SLC9A9: variants seen among roughly 807,000 people sequenced by gnomAD.
SLC9A9 encodes the protein solute carrier family 9 member A9.
A neutral mutation model predicts 77.8 loss-of-function variants in SLC9A9; 62 were observed. The ratio of observed to expected loss-of-function variants is 0.80; its 90% CI spans 0.65 to 0.98. SLC9A9 has a LOEUF of 0.98. SLC9A9 is among the 50% of genes least tolerant of loss of function. SLC9A9 has a pLI of 0.00. For synonymous variants in SLC9A9, 320 were observed against 283.5 expected, an observed-to-expected ratio of 1.13 and a Z score of -1.29; for missense variants, 775 against 774.9, an observed-to-expected ratio of 1.00 and a Z score of 0.00.
intron 9 of SLC9A9, among the ~76,000 whole-genome samples, chr3:143,495,722 A>T (rs143300993): frequency 6.6e-6 from 1 of 152,312 alleles, no homozygotes; most frequent in Non-Finnish European, 1.5e-5. Context: ...CCATGGAACA[A>T]TTCCTACTAA....
At position 143,837,589 on chromosome 3, in the gene SLC9A9, C is replaced by T. The variant is rs528956942; in HGVS notation, c.176-5368G>A. Among the ~76,000 whole-genome samples the T allele has an allele frequency of 1.4e-4, 21 of 151,406 alleles. No homozygotes were observed. In the East Asian group the frequency reaches 4.1e-3, roughly 29 times the overall value. ...TGTATCAGGTCCTATTGATCGCCAG[C>T]CCAATGTCTATCCTTGTTTACCCCA... On this transcript the variant is annotated intron_variant, in intron 1 of 15. Transcript: ENST00000316549.
At chr3:143,599,664 T>G (rs2037812581) in intron 6 of SLC9A9, among the ~76,000 whole-genome samples, 1 of 152,110 alleles carries the variant, frequency 6.6e-6, no homozygotes, top group East Asian at 1.9e-4. Flanking sequence ...ACAAGCTTTA[T>G]GAGCAATAAG....
At chr3:143,725,351 A>G (rs1934614001) in intron 4 of SLC9A9, among the ~76,000 whole-genome samples, 1 of 152,064 alleles carries the variant, frequency 6.6e-6, no homozygotes. Flanking sequence ...ATCTAGAACT[A>G]GAAATACCAT....
intron 4 of SLC9A9, among the ~76,000 whole-genome samples, chr3:143,720,132 T>C (rs1934458686): frequency 6.6e-6 from 1 of 151,280 alleles, no homozygotes; most frequent in Non-Finnish European, 1.5e-5. Flanking sequence ...ATATATTATA[T>C]ATGAGATATT....
chr3:143,633,105 C>T (rs952241123), intron 6 of SLC9A9, among the ~76,000 whole-genome samples: 1 of 152,172 alleles, frequency 6.6e-6, no homozygotes, highest in Non-Finnish European at 1.5e-5. Context: ...ATGTTCCTAT[C>T]CATTCATTCA....
rs546726356 is a variant in SLC9A9 at position 143,530,643 on chromosome 3, C to A, written c.1089+21719G>T. 3.6e-3 allele frequency among the ~76,000 whole-genome samples: 506 copies of A among 140,740 alleles called. 2 individuals carry two copies. The highest frequency in any genetic ancestry group is 1.0e-2 in the African/African-American group (397 of 39,816). 92.3% of individuals were successfully genotyped at this position (140,740 alleles called of 152,430 possible). The stretch of plus-strand genomic sequence containing the variant: ...TCAAGTCCATCAGAAATCTGAAAAA[C>A]AAAACAAAACAAAACAAACAAACAA... On this transcript the variant is annotated intron_variant, in intron 9 of 15. Transcript: ENST00000316549.
At chr3:143,693,097 A>G in intron 5 of SLC9A9, 95 bp downstream of exon 5, 1 of 892,332 alleles carries the variant, frequency 1.1e-6, no homozygotes, top group Non-Finnish European at 1.8e-6. Flanking sequence ...AATAGAAATT[A>G]TTATTATGTA....
At chr3:143,786,879 G>A (rs563250388) in intron 4 of SLC9A9, among the ~76,000 whole-genome samples, 7 of 152,250 alleles carry the variant, frequency 4.6e-5, no homozygotes, top group African/African-American at 1.7e-4. Context: ...GCTGAAAACG[G>A]AATCACAGAG....
At chr3:143,322,307 G>A (rs1257675035) in intron 14 of SLC9A9, among the ~76,000 whole-genome samples, 1 of 152,182 alleles carries the variant, frequency 6.6e-6, no homozygotes, top group African/African-American at 2.4e-5. Context: ...GGCCAGACTA[G>A]AACTAAGAGA....
intron 4 of SLC9A9, among the ~76,000 whole-genome samples, chr3:143,778,602 A>T (rs2007773408): frequency 6.6e-6 from 1 of 151,542 alleles, no homozygotes; most frequent in African/African-American, 2.4e-5. Context: ...AATCATCTGG[A>T]AACCATGTAA....
At chr3:143,725,091 A>C (rs6780721) in intron 4 of SLC9A9, among the ~76,000 whole-genome samples, 42,966 of 151,934 alleles carry the variant, frequency 0.28, 6,233 homozygotes, top group Admixed American at 0.35. Flanking sequence ...TTTTCTGTTG[A>C]ATTTCTTCAG....
chr3:143,269,017 G>A, intron 14 of SLC9A9, 37 bp from the exon 15 acceptor site: 3 of 1,478,388 alleles, frequency 2.0e-6, no homozygotes, highest in Non-Finnish European at 2.8e-6. Context: ...TCAACAGGGA[G>A]TTAGGATTTA....
chr3:143,481,536 T>C (rs903821135), intron 11 of SLC9A9, among the ~76,000 whole-genome samples: 2 of 152,022 alleles, frequency 1.3e-5, no homozygotes, highest in African/African-American at 2.4e-5. Context: ...TCTAGGAGGG[T>C]CTAAAGCCAA....
chr3:143,627,761 T>A (rs2038357264), intron 6 of SLC9A9: 1 of 152,842 alleles, frequency 6.5e-6, no homozygotes, highest in African/African-American at 2.4e-5. Context: ...CATTTCCTAC[T>A]GGATGGTGTG....
At chr3:143,268,003 G>C in intron 15 of SLC9A9, among the ~76,000 whole-genome samples, 1 of 152,202 alleles carries the variant, frequency 6.6e-6, no homozygotes, top group Non-Finnish European at 1.5e-5. Flanking sequence ...GCCTGAGAGT[G>C]TGCATTTCTA....
chr3:143,827,640 C>T (rs546383917), intron 2 of SLC9A9, among the ~76,000 whole-genome samples: 19 of 152,322 alleles, frequency 1.2e-4, no homozygotes, highest in African/African-American at 4.3e-4. Context: ...CAATGCCTAA[C>T]CATCCCAGAA....
intron 14 of SLC9A9, among the ~76,000 whole-genome samples, chr3:143,333,613 C>T (rs2031839712): frequency 6.6e-6 from 1 of 152,224 alleles, no homozygotes; most frequent in Admixed American, 6.5e-5. Flanking sequence ...GGGCATGCTA[C>T]TGCAACCAGG....
intron 4 of SLC9A9, among the ~76,000 whole-genome samples, chr3:143,731,415 T>G (rs1934800542): frequency 6.6e-6 from 1 of 152,158 alleles, no homozygotes; most frequent in Admixed American, 6.5e-5. Flanking sequence ...TGTAAAGGGA[T>G]GGAGATAGTG....
chr3:143,386,985 C>T (rs555235347), intron 12 of SLC9A9, among the ~76,000 whole-genome samples: 3 of 152,240 alleles, frequency 2.0e-5, no homozygotes, highest in African/African-American at 7.2e-5. Flanking sequence ...GGATTATAGG[C>T]GTACGCCACC....
Sources: gnomAD v4.1 joint callset for allele counts (sites outside exome capture counted in the v4.1 genomes callset) on GRCh38, gnomAD v4.1.1 for gene constraint, MANE v1.5 for transcripts, NCBI Gene and HGNC (gene_info 2026-07-23, HGNC 2026-07-21) for gene names.